The following ELP4 variants were observed in gnomAD, a reference collection of about 807,000 sequenced individuals.
ELP4 encodes the protein elongator acetyltransferase complex subunit 4.
A neutral mutation model predicts 48.9 loss-of-function variants in ELP4; 51 were observed. The ratio of observed to expected loss-of-function variants is 1.04; its 90% CI spans 0.83 to 1.32. The LOEUF (loss-of-function observed/expected upper bound fraction) is 1.32. ELP4 is among the 40% of genes most tolerant of loss of function. The pLI is 0.00. For missense variants in ELP4, 519 were observed against 514.6 expected (o/e 1.01, Z -0.08); for synonymous variants, 210 against 189.2 (o/e 1.11, Z -0.90).
chr11:31,706,530 AATTT>A (rs1451708727), intron 9 of ELP4, among the ~76,000 whole-genome samples: 1 of 147,870 alleles, frequency 6.8e-6, no homozygotes, highest in African/African-American at 2.4e-5. Context: ...TAATTAATTT[AATTT>A]GTTTATATAT....
chr11:31,772,115 T>G (rs937833141), intron 9 of ELP4, among the ~76,000 whole-genome samples: 4 of 120,238 alleles, frequency 3.3e-5, no homozygotes, highest in African/African-American at 1.4e-4. Context: ...CTGAATTATT[T>G]TCTTCTTTTT....
At chr11:31,701,819 T>A (rs908222503) in intron 9 of ELP4, among the ~76,000 whole-genome samples, 1 of 151,616 alleles carries the variant, frequency 6.6e-6, no homozygotes. Context: ...TCAATACTGA[T>A]CAGTAAAGAC....
At chr11:31,513,421 T>G (rs75093688) in intron 1 of ELP4, among the ~76,000 whole-genome samples, 1 of 152,332 alleles carries the variant, frequency 6.6e-6, no homozygotes, top group African/African-American at 2.4e-5. Flanking sequence ...ATTAATTAAG[T>G]AGTTAAGGCT....
chr11:31,641,247 G>A (rs1165534792), intron 7 of ELP4, among the ~76,000 whole-genome samples: 1 of 151,784 alleles, frequency 6.6e-6, no homozygotes, highest in Non-Finnish European at 1.5e-5. Flanking sequence ...CTTGTTCCCT[G>A]TATAGTTGAT....
At chr11:31,716,463 G>A (rs1946844121) in intron 9 of ELP4, among the ~76,000 whole-genome samples, 1 of 152,152 alleles carries the variant, frequency 6.6e-6, no homozygotes, top group South Asian at 2.1e-4. Flanking sequence ...GATAAATATA[G>A]TTTCTATATC....
rs891384570 is a variant in ELP4, at chr11:31,510,059, G to A, written c.223+52G>A. The A allele has an allele frequency of 2.6e-6, 4 of 1,553,824 alleles. No homozygotes were observed. The African/African-American group carries it at 5.4e-5, about 21-fold the overall frequency. ...CAGCCGAGGGGAAACTTAGGGAGGG[G>A]ACCTGTCGGGGAAGCCACTTTGACC... On this transcript the variant is annotated intron_variant, in intron 1 of 9. Transcript: ENST00000640961.
In ELP4 at chr11:31,703,331, G is replaced by A. The variant is rs1409255549; in HGVS notation, c.1143+53110G>A. Among the ~76,000 whole-genome samples, 2 of 152,078 alleles carry A rather than the reference G, an allele frequency of 1.3e-5. 1 individual carries two copies. The highest frequency in any genetic ancestry group is 2.9e-5 in the Non-Finnish European group (2 of 68,006). ...AGCTATCCCCAGATATTCTAAAACAGTTATGACACCTTTTCAGATTTAGAT... is the reference window on the plus strand; with the variant it reads ...AGCTATCCCCAGATATTCTAAAACAATTATGACACCTTTTCAGATTTAGAT... On this transcript the variant is annotated intron_variant, in intron 9 of 9. Transcript: ENST00000640961.
At chr11:31,745,025 A>T (rs1947549658) in intron 9 of ELP4, among the ~76,000 whole-genome samples, 1 of 152,232 alleles carries the variant, frequency 6.6e-6, no homozygotes, top group South Asian at 2.1e-4. Flanking sequence ...TCAAGCTGAT[A>T]AGCAACTTCA....
intron 3 of ELP4, among the ~76,000 whole-genome samples, chr11:31,548,093 CT>C (rs1565046901): frequency 1.3e-5 from 2 of 152,156 alleles, no homozygotes; most frequent in Non-Finnish European, 2.9e-5. Flanking sequence ...GGGATGCCCT[CT>C]CTCACCACTC....
chr11:31,688,986 G>T (rs959902502), intron 9 of ELP4, among the ~76,000 whole-genome samples: 1 of 152,146 alleles, frequency 6.6e-6, no homozygotes, highest in Non-Finnish European at 1.5e-5. Context: ...CTTTGTCATT[G>T]AGTGGAATGC....
intron 7 of ELP4, among the ~76,000 whole-genome samples, chr11:31,637,052 G>C (rs868038223): frequency 3.2e-4 from 49 of 151,962 alleles, no homozygotes; most frequent in African/African-American, 1.1e-3. Flanking sequence ...GTTACATGCT[G>C]AACTGTGGAG....
rs756025521 is a variant in ELP4, at chr11:31,682,033, G to T, written c.1143+31812G>T. The T allele has an allele frequency of 1.2e-5, 16 of 1,290,046 alleles. No homozygotes were observed. The East Asian group carries it at 6.7e-4, about 54-fold the overall frequency. 79.9% of individuals were successfully genotyped at this position (1,290,046 alleles called of 1,614,324 possible). A position where few individuals can be genotyped will look rare whatever the true frequency, so the allele number is the denominator to read the frequency against. On this transcript the variant is annotated intron_variant, in intron 9 of 9. Transcript: ENST00000640961. ...TGGAATTACAGGCATGAGCTACCGCGCCCGGCCTAGGGCTTTGTATTTCAA... is the reference window on the plus strand; with the variant it reads ...TGGAATTACAGGCATGAGCTACCGCTCCCGGCCTAGGGCTTTGTATTTCAA...
At chr11:31,624,838 A>G (rs755716879) in intron 5 of ELP4, among the ~76,000 whole-genome samples, 9 of 151,676 alleles carry the variant, frequency 5.9e-5, no homozygotes, top group Non-Finnish European at 1.5e-5. Context: ...ACAAGCACAC[A>G]CATTACTCTA....
intron 3 of ELP4, among the ~76,000 whole-genome samples, chr11:31,544,476 T>C (rs1051152499): frequency 6.6e-6 from 1 of 152,148 alleles, no homozygotes; most frequent in Non-Finnish European, 1.5e-5. Context: ...CCAGGTTTGC[T>C]TAGGTAAACA....
chr11:31,745,069 A>G (rs912005359), intron 9 of ELP4, among the ~76,000 whole-genome samples: 31 of 152,208 alleles, frequency 2.0e-4, no homozygotes, highest in African/African-American at 7.5e-4. Flanking sequence ...AATGTGCAAA[A>G]CTCACAAGCA....
At position 31,790,115 on chromosome 11, in the gene ELP4, A is replaced by AAAAAAAC. The variant is rs1565183852; in HGVS notation, c.*6596_*6597insACAAAAA. The AAAAAAAC allele has an allele frequency of 5.1e-6, 4 of 791,824 alleles. No homozygotes were observed. In the African/African-American group the frequency reaches 7.3e-5, roughly 14 times the overall value. The allele number at this position is 791,824 out of a possible 1,614,324, so 49.0% of individuals were successfully genotyped here. A position where few individuals can be genotyped will look rare whatever the true frequency, so the allele number is the denominator to read the frequency against. ...AGGTTTACAAAAAAAAAAAAAAAAA[A>AAAAAAAC]AAAAACTAATACTTTCTAACATTTT... On this transcript the variant is annotated 3_prime_UTR_variant, in exon 10 of 10. Transcript: ENST00000640961.
chr11:31,773,479 T>C (rs1948188141), intron 9 of ELP4, among the ~76,000 whole-genome samples: 1 of 152,140 alleles, frequency 6.6e-6, no homozygotes, highest in Non-Finnish European at 1.5e-5. Flanking sequence ...ATTGAACACA[T>C]GTATGGGGCT....
At chr11:31,544,911 A>G (rs1001938139) in intron 3 of ELP4, among the ~76,000 whole-genome samples, 2 of 152,204 alleles carry the variant, frequency 1.3e-5, no homozygotes, top group African/African-American at 4.8e-5. Flanking sequence ...GTGGACCTCT[A>G]GCAAACTCCA....
At chr11:31,655,317 G>A (rs1470476362) in intron 9 of ELP4, among the ~76,000 whole-genome samples, 1 of 151,762 alleles carries the variant, frequency 6.6e-6, no homozygotes, top group Non-Finnish European at 1.5e-5. Context: ...GGAGAACACA[G>A]TTTTGAGAAT....
Sources: gnomAD v4.1 joint callset for allele counts (sites outside exome capture counted in the v4.1 genomes callset) on GRCh38, gnomAD v4.1.1 for gene constraint, MANE v1.5 for transcripts, NCBI Gene and HGNC (gene_info 2026-07-23, HGNC 2026-07-21) for gene names.